Variants in MICU1 observed in about 807,000 individuals in gnomAD.
MICU1 encodes the protein calcium uptake protein 1, mitochondrial.
In MICU1, 45 loss-of-function variants were observed where a neutral mutation model predicts 56.8. That is an observed-to-expected ratio of 0.79 (90% confidence interval 0.62 to 1.02). The LOEUF (loss-of-function observed/expected upper bound fraction) is 1.02, where lower values mean the gene tolerates loss of function less well. Among genes scored for constraint, MICU1 ranks in the 50% least tolerant of loss-of-function variants. The pLI, the probability that MICU1 is intolerant of heterozygous loss-of-function variation, is 0.00. For missense variants in MICU1, 504 were observed against 587.1 expected (o/e 0.86, Z 1.46); for synonymous variants, 186 against 195.1 (o/e 0.95, Z 0.39).
intron 1 of MICU1, among the ~76,000 whole-genome samples, chr10:72,572,954 C>A (rs918623442): frequency 5.3e-5 from 8 of 151,900 alleles, no homozygotes; most frequent in Non-Finnish European, 1.0e-4. Context: ...TAATAATATA[C>A]CCTACTGATG....
intron 1 of MICU1, among the ~76,000 whole-genome samples, chr10:72,584,117 T>C (rs1840980435): frequency 6.6e-6 from 1 of 152,186 alleles, no homozygotes; most frequent in South Asian, 2.1e-4. Flanking sequence ...GGAAAGATGC[T>C]ATCAAAAAGC....
chr10:72,445,070 T>C (rs542294729), intron 8 of MICU1, among the ~76,000 whole-genome samples: 103 of 152,272 alleles, frequency 6.8e-4, no homozygotes, highest in African/African-American at 2.3e-3. Flanking sequence ...CTGAGTCCAG[T>C]TATATATAAA....
In MICU1 at chr10:72,388,165, A is replaced by G. The variant is rs765554621; in HGVS notation, c.1181-12293T>C. On this transcript the variant is annotated intron_variant, in intron 10 of 11. Transcript: ENST00000361114. ...ATATAGTTAACGCTCAATAAATGCT[A>G]GATGTTAGAACAGTATCTAAAAGTG... Among the ~76,000 whole-genome samples, 110 of 152,232 alleles carry G rather than the reference A, an allele frequency of 7.2e-4. 3 individuals carry two copies. Among genetic ancestry groups the G allele is most frequent in the Non-Finnish European group, 1.9e-4 (13 of 68,038 alleles).
chr10:72,492,115 A>C (rs1866676076), intron 6 of MICU1, among the ~76,000 whole-genome samples: 1 of 152,174 alleles, frequency 6.6e-6, no homozygotes, highest in African/African-American at 2.4e-5. Context: ...TTTTTCTTAA[A>C]AGGAATGGTG....
At chr10:72,372,369 C>T (rs922017269) in intron 11 of MICU1, among the ~76,000 whole-genome samples, 4 of 151,960 alleles carry the variant, frequency 2.6e-5, no homozygotes, top group African/African-American at 7.3e-5. Flanking sequence ...TGGTGGCTCA[C>T]GCCTATAACC....
intron 6 of MICU1, among the ~76,000 whole-genome samples, chr10:72,492,841 G>A (rs916747114): frequency 1.9e-5 from 2 of 103,076 alleles, no homozygotes; most frequent in African/African-American, 6.9e-5. Flanking sequence ...TATGGGCCAG[G>A]TGTGGTGGCT....
At chr10:72,424,506 G>A (rs765610373) in intron 8 of MICU1, among the ~76,000 whole-genome samples, 21 of 151,576 alleles carry the variant, frequency 1.4e-4, no homozygotes, top group Non-Finnish European at 2.8e-4. Flanking sequence ...AAATAGAGAT[G>A]GGGGTCTTGC....
chr10:72,551,167 T>G lies in MICU1; in HGVS notation c.493+12A>C. The G allele has an allele frequency of 2.5e-6, 4 of 1,591,570 alleles. No homozygotes were observed. Among genetic ancestry groups the G allele is most frequent in the Non-Finnish European group, 3.4e-6 (4 of 1,169,412 alleles). ...AAATATCACAGTCTTATATTTCACT[T>G]TAGCAACTTACGTTCTGGTTGTTTT... On this transcript the variant is annotated intron_variant, in intron 4 of 11. Transcript: ENST00000361114.
chr10:72,492,897 A>T (rs1235389577), intron 6 of MICU1, among the ~76,000 whole-genome samples: 1 of 152,132 alleles, frequency 6.6e-6, no homozygotes, highest in African/African-American at 2.4e-5. Context: ...CGAGTGGATC[A>T]CTTGAGGTCA....
At position 72,368,288 on chromosome 10, in the gene MICU1, T is replaced by C; in HGVS notation, c.1338A>G (p.Glu446=). 1 of 1,614,032 alleles carries C rather than the reference T, an allele frequency of 6.2e-7. No homozygotes were observed. Among genetic ancestry groups the C allele is most frequent in the Non-Finnish European group, 8.5e-7 (1 of 1,179,884 alleles). The change falls in exon 12 of 12, where the codon GAA becomes GAG. Residue 446 remains glutamate (E), a synonymous_variant. Coordinates refer to ENST00000361114, the MANE Select transcript of MICU1 (RefSeq NM_001195518.2). ...GAGTGAAACCCATGTCTTTGGGCTT[T>C]TCCAGGCCTCTCATCAGCCGTTGCT... ...IMKQRLMRGL[E]KPKDMGFTRL...
At chr10:72,477,686 A>T in intron 6 of MICU1, 3 of 716,618 alleles carry the variant, frequency 4.2e-6, no homozygotes, top group Non-Finnish European at 6.8e-6. Flanking sequence ...TTACCCTCAC[A>T]ACAAGCCAGC....
At chr10:72,493,102 C>A (rs1477989210) in intron 6 of MICU1, among the ~76,000 whole-genome samples, 5 of 152,106 alleles carry the variant, frequency 3.3e-5, no homozygotes, top group South Asian at 4.1e-4. Flanking sequence ...GCTTACCCCC[C>A]AAACATCCTT....
intron 4 of MICU1, among the ~76,000 whole-genome samples, chr10:72,536,913 G>A (rs1299028253): frequency 6.6e-6 from 1 of 152,234 alleles, no homozygotes; most frequent in Non-Finnish European, 1.5e-5. Flanking sequence ...AGACAGCACA[G>A]GTTTTAGGTT....
chr10:72,390,829 C>A lies in MICU1; in HGVS notation c.1181-14957G>T, dbSNP rs189237501. Among the ~76,000 whole-genome samples, 4 of 152,356 alleles carry A rather than the reference C, an allele frequency of 2.6e-5. No individual in the cohort carries two copies. In the East Asian group the frequency reaches 7.7e-4, roughly 29 times the overall value. ...CTTATTCTAATTAGCACTTATCACA[C>A]CCAACTGGAACTGCTTCTACACTTA... On this transcript the variant is annotated intron_variant, in intron 10 of 11. Coordinates refer to ENST00000361114, the MANE Select transcript of MICU1 (RefSeq NM_001195518.2).
intron 1 of MICU1, among the ~76,000 whole-genome samples, chr10:72,572,665 T>C (rs1840639962): frequency 6.6e-6 from 1 of 151,956 alleles, no homozygotes; most frequent in African/African-American, 2.4e-5. Flanking sequence ...TGGGTAAAGA[T>C]ATAAAAAGAC....
chr10:72,440,800 T>C (rs1864896462), intron 8 of MICU1, among the ~76,000 whole-genome samples: 1 of 152,086 alleles, frequency 6.6e-6, no homozygotes. Flanking sequence ...CATGAAAAAA[T>C]GCTCATCATT....
chr10:72,386,827 C>T (rs1862908989), intron 10 of MICU1, among the ~76,000 whole-genome samples: 1 of 152,184 alleles, frequency 6.6e-6, no homozygotes, highest in Admixed American at 6.5e-5. Flanking sequence ...GGTTGTGCCA[C>T]TGTCCCTGGC....
intron 8 of MICU1, among the ~76,000 whole-genome samples, chr10:72,457,989 TA>T (rs1865524750): frequency 6.6e-6 from 1 of 151,798 alleles, no homozygotes; most frequent in Admixed American, 6.6e-5. Context: ...GCCAACATGG[TA>T]AAACCCTGTC....
chr10:72,522,556 T>G (rs1867854459), intron 5 of MICU1, among the ~76,000 whole-genome samples: 1 of 152,158 alleles, frequency 6.6e-6, no homozygotes, highest in African/African-American at 2.4e-5. Flanking sequence ...ACACATGGGT[T>G]AGATTAACAA....
Sources: gnomAD v4.1 joint callset for allele counts (sites outside exome capture counted in the v4.1 genomes callset) on GRCh38, gnomAD v4.1.1 for gene constraint, MANE v1.5 for transcripts, NCBI Gene and HGNC (gene_info 2026-07-23, HGNC 2026-07-21) for gene names.